The following KIF5B variants were observed in gnomAD, a reference collection of about 807,000 sequenced individuals.
The protein encoded by KIF5B is kinesin family member 5B.
Under a neutral mutation model 132.8 loss-of-function variants are expected in KIF5B, and 49 were observed. The ratio of observed to expected loss-of-function variants is 0.37; its 90% CI spans 0.29 to 0.47. The LOEUF is 0.47. Among genes scored for constraint, KIF5B ranks in the 20% least tolerant of loss-of-function variants. KIF5B has a pLI of 1.00. For missense variants in KIF5B, 780 were observed against 1,144.0 expected (o/e 0.68, Z 4.59); for synonymous variants, 355 against 369.4 (o/e 0.96, Z 0.45).
chr10:32,015,140 A>G (rs1379486747), intron 25 of KIF5B, among the ~76,000 whole-genome samples: 3 of 152,152 alleles, frequency 2.0e-5, no homozygotes, highest in African/African-American at 7.2e-5. Flanking sequence ...AAAAGAAAAA[A>G]AAAAAAAGAT....
Position 32,038,794 on chromosome 10 carries a change from T to A in KIF5B, c.426A>T (p.Ile142=). 6.7e-7 allele frequency: 1 copy of A among 1,493,946 alleles called. No homozygotes were observed. The highest frequency in any genetic ancestry group is 9.3e-7 in the Non-Finnish European group (1 of 1,079,672). The allele number at this position is 1,493,946 out of a possible 1,614,324, so 92.5% of individuals were successfully genotyped here. ...VSYFEIYLDK[I]RDLLDVSKTN... The stretch of plus-strand genomic sequence containing the variant: ...TTAACTTACCATCTAACAGGTCCCT[T>A]ATCTTATCCAAATATATTTCAAAAT... The change falls in exon 5 of 26, where the codon ATA becomes ATT. Residue 142 remains isoleucine (I), a synonymous_variant. Transcript: ENST00000302418.
chr10:32,023,360 T>C (rs1458400261), intron 15 of KIF5B, among the ~76,000 whole-genome samples: 1 of 152,196 alleles, frequency 6.6e-6, no homozygotes, highest in Non-Finnish European at 1.5e-5. Flanking sequence ...CACTTCCTCT[T>C]TACAGGACCT....
In KIF5B at chr10:32,009,414, G is replaced by GTA. The variant is rs1378138351; in HGVS notation, c.*2121_*2122dup. ...TGATCAGAAATTTTCATTTTTAAGAGTAAGTGCTGTGTTTAATGACCTACC... is the reference window on the plus strand; with the variant it reads ...TGATCAGAAATTTTCATTTTTAAGAGTATAAGTGCTGTGTTTAATGACCTACC... On this transcript the variant is annotated 3_prime_UTR_variant, in exon 26 of 26. Transcript: ENST00000302418. 1 of 152,146 alleles carries GTA rather than the reference G, an allele frequency of 6.6e-6. No individual in the cohort carries two copies. Among genetic ancestry groups the GTA allele is most frequent in the East Asian group, 1.9e-4 (1 of 5,206 alleles). 9.4% of individuals were successfully genotyped at this position (152,146 alleles called of 1,614,324 possible).
intron 1 of KIF5B, among the ~76,000 whole-genome samples, chr10:32,055,538 A>ACC (rs1448207511): frequency 1.3e-5 from 2 of 152,036 alleles, no homozygotes; most frequent in Non-Finnish European, 2.9e-5. Context: ...ACACACACAC[A>ACC]CACGCAGACA....
At chr10:32,053,755 A>C (rs927652108) in intron 1 of KIF5B, among the ~76,000 whole-genome samples, 14 of 152,160 alleles carry the variant, frequency 9.2e-5, no homozygotes, top group Non-Finnish European at 1.3e-4. Context: ...TCTCAAAAAA[A>C]CAACCAACCA....
rs1012701094 is a variant in KIF5B, at chr10:32,056,099, T to C, written c.-126A>G. Reference sequence around the variant, plus strand: ...GAGGCAGCAGTCAGCTGCGCCGCGCTGCGCTTCCCCGGGTGGAGGCGGCCG... The same window carrying C: ...GAGGCAGCAGTCAGCTGCGCCGCGCCGCGCTTCCCCGGGTGGAGGCGGCCG... On this transcript the variant is annotated 5_prime_UTR_variant, in exon 1 of 26. Transcript: ENST00000302418. 3 of 1,241,902 alleles carry C rather than the reference T, an allele frequency of 2.4e-6. No homozygotes were observed. The highest frequency in any genetic ancestry group is 2.9e-5 in the South Asian group (2 of 69,568). The allele number at this position is 1,241,902 out of a possible 1,614,324, so 76.9% of individuals were successfully genotyped here.
chr10:32,056,107 C>A lies in KIF5B; in HGVS notation c.-134G>T. ...AGTCAGCTGCGCCGCGCTGCGCTTC[C>A]CCGGGTGGAGGCGGCCGGGGAGCCG... On this transcript the variant is annotated 5_prime_UTR_variant, in exon 1 of 26. Coordinates refer to ENST00000302418, the MANE Select transcript of KIF5B (RefSeq NM_004521.3). 3 of 1,161,840 alleles carry A rather than the reference C, an allele frequency of 2.6e-6. No homozygotes were observed. Among genetic ancestry groups the A allele is most frequent in the Non-Finnish European group, 3.5e-6 (3 of 848,368 alleles). 72.0% of individuals were successfully genotyped at this position (1,161,840 alleles called of 1,614,324 possible).
At chr10:32,046,406 G>A (rs978228036) in intron 2 of KIF5B, among the ~76,000 whole-genome samples, 1 of 152,112 alleles carries the variant, frequency 6.6e-6, no homozygotes, top group Admixed American at 6.6e-5. Context: ...ACAATTACAA[G>A]TGTTAATTCC....
Position 32,039,300 on chromosome 10 carries a change from A to C in KIF5B, c.393+27T>G, listed in dbSNP as rs1427009629. ...GAACATTATTCTTGCTGTAAAATAA[A>C]ATATAATCTTTCCTCAAGGAATTTA... On this transcript the variant is annotated intron_variant, in intron 4 of 25. Transcript: ENST00000302418. 1.3e-5 allele frequency: 10 copies of C among 797,214 alleles called. No individual in the cohort carries two copies. In the Admixed American group the frequency reaches 2.1e-4, roughly 17 times the overall value. The allele number at this position is 797,214 out of a possible 1,614,324, so 49.4% of individuals were successfully genotyped here.
At chr10:32,019,402 C>CT (rs1841226952) in intron 20 of KIF5B, among the ~76,000 whole-genome samples, 1 of 152,108 alleles carries the variant, frequency 6.6e-6, no homozygotes, top group Non-Finnish European at 1.5e-5. Context: ...TTCTAGAAAA[C>CT]TGAGTTTTGA....
At position 32,056,407 on chromosome 10, in the gene KIF5B, G is replaced by A. The variant is rs974532035; in HGVS notation, c.-434C>T. 8 of 178,912 alleles carry A rather than the reference G, an allele frequency of 4.5e-5. No homozygotes were observed. Among genetic ancestry groups the A allele is most frequent in the South Asian group, 1.8e-4 (2 of 10,850 alleles). 11.1% of individuals were successfully genotyped at this position (178,912 alleles called of 1,614,324 possible). A position where few individuals can be genotyped will look rare whatever the true frequency, so the allele number is the denominator to read the frequency against. On this transcript the variant is annotated 5_prime_UTR_variant, in exon 1 of 26. Coordinates refer to ENST00000302418, the MANE Select transcript of KIF5B (RefSeq NM_004521.3). ...GGCCGACTGCTGCCCGATCACTCCT[G>A]AGGCCGCCGTTGGGCGACAGGGCGG...
intron 15 of KIF5B, among the ~76,000 whole-genome samples, 182 bp downstream of exon 15, chr10:32,028,246 T>G (rs992780475): frequency 2.0e-5 from 3 of 152,226 alleles, no homozygotes; most frequent in Admixed American, 6.5e-5. Context: ...TTTACCTATT[T>G]GGGTGCCCTT....
At chr10:32,040,969 C>A (rs1374256564) in intron 2 of KIF5B, among the ~76,000 whole-genome samples, 12 of 140,128 alleles carry the variant, frequency 8.6e-5, no homozygotes, top group African/African-American at 2.7e-4. Flanking sequence ...GTCTGGGTGA[C>A]AGAGTAAGAC....
chr10:32,041,334 C>G (rs1841536586), intron 2 of KIF5B, among the ~76,000 whole-genome samples: 1 of 152,072 alleles, frequency 6.6e-6, no homozygotes, highest in South Asian at 2.1e-4. Context: ...TCTCTGGACC[C>G]AGACTGCTTT....
In KIF5B at chr10:32,033,954, G is replaced by GT. The variant is rs1564467463; in HGVS notation, c.1195dup (p.Thr399AsnfsTer3). 1 of 1,611,764 alleles carries GT rather than the reference G, an allele frequency of 6.2e-7. No individual in the cohort carries two copies. On this transcript the variant is annotated frameshift_variant, in exon 12 of 26. Coordinates refer to ENST00000302418, the MANE Select transcript of KIF5B (RefSeq NM_004521.3). LOFTEE classifies it high-confidence loss of function. ...AATTGCGGTTGCTGGTTTATCATTGGTAAGAGTAATATCTTTATCCACTGT... is the reference window on the plus strand; with the variant it reads ...AATTGCGGTTGCTGGTTTATCATTGGTTAAGAGTAATATCTTTATCCACTGT...
rs1216373898 is a variant in KIF5B, at chr10:32,009,419, T to A, written c.*2118A>T. On this transcript the variant is annotated 3_prime_UTR_variant, in exon 26 of 26. Coordinates refer to ENST00000302418, the MANE Select transcript of KIF5B (RefSeq NM_004521.3). ...AGAAATTTTCATTTTTAAGAGTAAG[T>A]GCTGTGTTTAATGACCTACCATAGC... is the stretch of plus-strand genomic sequence containing the variant. 1 of 152,210 alleles carries A rather than the reference T, an allele frequency of 6.6e-6. No homozygotes were observed. The highest frequency in any genetic ancestry group is 1.5e-5 in the Non-Finnish European group (1 of 68,030). 9.4% of individuals were successfully genotyped at this position (152,210 alleles called of 1,614,324 possible).
chr10:32,028,422 A>G lies in KIF5B; in HGVS notation c.1725+6T>C, dbSNP rs370867704. The G allele has an allele frequency of 1.9e-6, 3 of 1,604,978 alleles. No homozygotes were observed. Among genetic ancestry groups the G allele is most frequent in the East Asian group, 2.2e-5 (1 of 44,802 alleles). ...ATTGTCCTTAATACTTAGTTATTATATTTACCTTTACATCATTATTTCCCA... is the reference window on the plus strand; with the variant it reads ...ATTGTCCTTAATACTTAGTTATTATGTTTACCTTTACATCATTATTTCCCA... On this transcript the variant is annotated splice_donor_region_variant and intron_variant, in intron 15 of 25. Coordinates refer to ENST00000302418, the MANE Select transcript of KIF5B (RefSeq NM_004521.3).
chr10:32,020,539 G>A (rs1410406260), intron 19 of KIF5B, among the ~76,000 whole-genome samples: 1 of 152,058 alleles, frequency 6.6e-6, no homozygotes, highest in Admixed American at 6.6e-5. Flanking sequence ...TCGTGCCACA[G>A]CCTCCTGGGT....
intron 19 of KIF5B, among the ~76,000 whole-genome samples, chr10:32,020,497 T>A (rs1841244842): frequency 6.6e-6 from 1 of 152,164 alleles, no homozygotes; most frequent in Non-Finnish European, 1.5e-5. Flanking sequence ...CATAGCTCAC[T>A]TCAGCCTCAG....
Sources: allele counts gnomAD v4.1 joint callset (sites outside exome capture counted in the v4.1 genomes callset), GRCh38; gene constraint gnomAD v4.1.1; transcripts MANE v1.5; gene names NCBI Gene and HGNC (gene_info 2026-07-23, HGNC 2026-07-21).